Variants in SIGLEC1 observed in about 807,000 individuals in gnomAD.
SIGLEC1 encodes the protein sialoadhesin.
SIGLEC1 carries 132 observed loss-of-function variants against 148.0 expected under a neutral mutation model. The observed-to-expected ratio is 0.89, with a 90% confidence interval of 0.77 to 1.03. SIGLEC1 has a LOEUF of 1.03. Ranked by LOEUF, SIGLEC1 falls within the 50% of genes least tolerant of loss-of-function variation. SIGLEC1 has a pLI of 0.00. For missense variants in SIGLEC1, 2,253 were observed against 2,271.4 expected (o/e 0.99, Z 0.16); for synonymous variants, 945 against 969.0 (o/e 0.98, Z 0.46).
chr20:3,696,177 TATAA>T lies in SIGLEC1; in HGVS notation c.2683+405_2683+408del, dbSNP rs566315501. On this transcript the variant is annotated intron_variant, in intron 11 of 21. Transcript: ENST00000344754. The stretch of plus-strand genomic sequence containing the variant: ...ACACACACACACACACGTATGTGTA[TATAA>T]ATAAAGAATATGAATATATTATGCA... Among the ~76,000 whole-genome samples, 12 of 148,594 alleles carry T rather than the reference TATAA, an allele frequency of 8.1e-5. No homozygotes were observed. The East Asian group carries it at 1.8e-3, about 22-fold the overall frequency.
chr20:3,693,612 C>T lies in SIGLEC1; in HGVS notation c.3343G>A (p.Ala1115Thr). 6.2e-7 allele frequency: 1 copy of T among 1,612,714 alleles called. No individual in the cohort carries two copies. The highest frequency in any genetic ancestry group is 8.5e-7 in the Non-Finnish European group (1 of 1,179,648). The change falls in exon 14 of 22, where the codon GCC becomes ACC. Residue 1115 changes from alanine to threonine, a missense_variant. Physicochemically the swap from Ala to Thr is moderately conservative, Grantham distance 58. Coordinates refer to ENST00000344754, the MANE Select transcript of SIGLEC1 (RefSeq NM_023068.4). ...TGGTACCATGTGTAGGTGAGCTGGG[C>T]CGGGTGAGTGGTCCACACAAGGCAG... ...LTCLVWTTHP[A>T]QLTYTWYQDG...
At position 3,692,592 on chromosome 20, in the gene SIGLEC1, C is replaced by A. The variant is rs775090447; in HGVS notation, c.3959G>T (p.Gly1320Val). 1 of 1,612,278 alleles carries A rather than the reference C, an allele frequency of 6.2e-7. No individual in the cohort carries two copies. The highest frequency in any genetic ancestry group is 2.2e-5 in the East Asian group (1 of 44,878). Residue 1320 changes from glycine (G) to valine (V), a missense_variant, in exon 16 of 22, where the codon GGC becomes GTC. Transcript: ENST00000344754. ...ATCCTGGGCCTGGCAAGAGTAGGCG[C>A]CTGCATGAGCCCGCGTGGCCACCAG... is the stretch of plus-strand genomic sequence containing the variant. Reference protein sequence around the residue: ...SFLVATRAHAGAYSCQAQDAQ... With the variant: ...SFLVATRAHAVAYSCQAQDAQ...
At chr20:3,711,319 T>C (rs1328715388) in intron 1 of SIGLEC1, among the ~76,000 whole-genome samples, 1 of 152,238 alleles carries the variant, frequency 6.6e-6, no homozygotes, top group Non-Finnish European at 1.5e-5. Flanking sequence ...TGAGCTGGCC[T>C]GGTACACAGT....
At chr20:3,691,309 G>A (rs767456121) in intron 18 of SIGLEC1, 31 bp downstream of exon 18, 4 of 1,610,874 alleles carry the variant, frequency 2.5e-6, no homozygotes, top group Non-Finnish European at 3.4e-6. Context: ...GATGTGGGGA[G>A]ACTAAGGCGG....
rs746740761 is a variant in SIGLEC1 at position 3,690,135 on chromosome 20, G to A, written c.4721C>T (p.Ala1574Val). Reference protein sequence around the residue: ...LTLHLGSRLVASSQPQGAPAE... With the variant: ...LTLHLGSRLVVSSQPQGAPAE... ...AGGAGCACCCTGGGGCTGACTGGAG[G>A]CCACCAGTCGACTGCCAAGGTGGAG... The change falls in exon 19 of 22, where the codon GCC becomes GTC. Residue 1574 changes from alanine to valine, a missense_variant. Coordinates refer to ENST00000344754, the MANE Select transcript of SIGLEC1 (RefSeq NM_023068.4). The A allele has an allele frequency of 1.2e-6, 2 of 1,605,082 alleles. No homozygotes were observed. The highest frequency in any genetic ancestry group is 1.1e-5 in the South Asian group (1 of 89,490).
Position 3,692,998 on chromosome 20 carries a change from G to A in SIGLEC1, c.3642C>T (p.Ser1214=). The part of the protein sequence containing the change: ...ALSHAGRLLA[S]STAASVPNTL... ...TGTTGGGGACAGAGGCTGCTGTCGA[G>A]GAGGCCAAGAGGCGACCGGCGTGGC... Residue 1214 remains serine, a synonymous_variant, in exon 15 of 22, where the codon TCC becomes TCT. Transcript: ENST00000344754. 6.2e-7 allele frequency: 1 copy of A among 1,612,310 alleles called. No individual in the cohort carries two copies. The highest frequency in any genetic ancestry group is 1.3e-5 in the African/African-American group (1 of 75,066).
chr20:3,699,056 A>T (rs547658), intron 8 of SIGLEC1, 146 bp downstream of exon 8: 1 of 887,082 alleles, frequency 1.1e-6, no homozygotes, highest in Non-Finnish European at 1.7e-6. Context: ...TCAGCCCCAC[A>T]TGGAAAGACC....
At chr20:3,704,559 C>A (rs1006877373) in intron 4 of SIGLEC1, among the ~76,000 whole-genome samples, 4 of 152,248 alleles carry the variant, frequency 2.6e-5, no homozygotes, top group Non-Finnish European at 5.9e-5. Flanking sequence ...GCCAACAACA[C>A]AAAGAACTGC....
chr20:3,691,845 T>C, intron 17 of SIGLEC1, 58 bp downstream of exon 17: 1 of 1,519,088 alleles, frequency 6.6e-7, no homozygotes, highest in Non-Finnish European at 8.9e-7. Context: ...CCAGCCCCTC[T>C]CGTGGACTTG....
At position 3,699,338 on chromosome 20, in the gene SIGLEC1, G is replaced by A. The variant is rs761853412; in HGVS notation, c.1650C>T (p.Ala550=). Residue 550 remains alanine, a synonymous_variant, in exon 8 of 22, where the codon GCC becomes GCT. Transcript: ENST00000344754. ...TGCTGCCGGGACCCTCGTGAAGCAG[G>A]GCTCCATTCAGGTACCAGGAGAAGC... ...DARFSWYLNG[A]LLHEGPGSSL... The A allele has an allele frequency of 1.2e-6, 2 of 1,609,076 alleles. No individual in the cohort carries two copies. Among genetic ancestry groups the A allele is most frequent in the African/African-American group, 1.3e-5 (1 of 74,918 alleles).
intron 6 of SIGLEC1, 130 bp downstream of exon 6, chr20:3,703,067 A>G: frequency 9.4e-7 from 1 of 1,058,908 alleles, no homozygotes; most frequent in South Asian, 1.4e-5. Context: ...GAGCTGGGAC[A>G]TGAGCTCAAG....
At position 3,705,803 on chromosome 20, in the gene SIGLEC1, C is replaced by T. The variant is rs373787879; in HGVS notation, c.647G>A (p.Arg216His). The T allele has an allele frequency of 2.2e-5, 36 of 1,613,770 alleles. No homozygotes were observed. The highest frequency in any genetic ancestry group is 2.7e-5 in the African/African-American group (2 of 74,934). The change falls in exon 4 of 22, where the codon CGC (arginine) becomes CAC (histidine). Residue 216 changes from arginine (R) to histidine (H), a missense_variant. Arg to His is a conservative substitution (Grantham distance 29). Coordinates refer to ENST00000344754, the MANE Select transcript of SIGLEC1 (RefSeq NM_023068.4). Reference sequence around the variant, plus strand: ...GTGATTGGCCACGGAGAGCTGGCAGCGCAGGATCCGGCCGTGGTCCTGCCA... The same window carrying T: ...GTGATTGGCCACGGAGAGCTGGCAGTGCAGGATCCGGCCGTGGTCCTGCCA... ...MSWQDHGRIL[R>H]CQLSVANHRA...
rs770295751 is a variant in SIGLEC1, at chr20:3,704,054, C to T, written c.744G>A (p.Ser248=). The part of the protein sequence containing the change: ...PKGVKILLSP[S]GRNILPGELV... ...GCTCACCTGGAAGGATGTTCCTCCC[C>T]GAGGGGCTGAGGAGGATCTTCACAC... The change falls in exon 5 of 22, where the codon TCG becomes TCA. Residue 248 remains serine (S), a synonymous_variant. Coordinates refer to ENST00000344754, the MANE Select transcript of SIGLEC1 (RefSeq NM_023068.4). 13 of 1,613,416 alleles carry T rather than the reference C, an allele frequency of 8.1e-6. No homozygotes were observed. The highest frequency in any genetic ancestry group is 4.5e-5 in the East Asian group (2 of 44,872).
In SIGLEC1 at chr20:3,707,186, G is replaced by T; in HGVS notation, c.-58C>A. On this transcript the variant is annotated 5_prime_UTR_variant, in exon 2 of 22. Transcript: ENST00000344754. Reference sequence around the variant, plus strand: ...AGGGTGGTGCGCACTGCGCTGGCTGGGCTCACAGGGGCCTCCAGGGACACC... The same window carrying T: ...AGGGTGGTGCGCACTGCGCTGGCTGTGCTCACAGGGGCCTCCAGGGACACC... The T allele has an allele frequency of 6.6e-7, 1 of 1,513,766 alleles. No individual in the cohort carries two copies. Among genetic ancestry groups the T allele is most frequent in the Non-Finnish European group, 9.2e-7 (1 of 1,091,508 alleles). The allele number at this position is 1,513,766 out of a possible 1,614,324, so 93.8% of individuals were successfully genotyped here.
chr20:3,704,270 C>T (rs552340486), intron 4 of SIGLEC1, among the ~76,000 whole-genome samples, 179 bp from the exon 5 acceptor site: 159 of 152,316 alleles, frequency 1.0e-3, no homozygotes, highest in African/African-American at 3.7e-3. Context: ...CCTTTCCCGC[C>T]CCCTGCGCCT....
intron 7 of SIGLEC1, among the ~76,000 whole-genome samples, chr20:3,700,675 C>G (rs556365169): frequency 6.8e-6 from 1 of 146,708 alleles, no homozygotes; most frequent in African/African-American, 2.5e-5. Context: ...GTTGGAAGAC[C>G]GTACTTTTCT....
intron 1 of SIGLEC1, among the ~76,000 whole-genome samples, 195 bp downstream of exon 1, chr20:3,712,275 G>C (rs761382320): frequency 6.6e-6 from 1 of 152,138 alleles, no homozygotes; most frequent in South Asian, 2.1e-4. Context: ...GAAGGATTTG[G>C]GGGTGGTGGA....
At chr20:3,700,989 A>G (rs488023) in intron 7 of SIGLEC1, among the ~76,000 whole-genome samples, 110,224 of 151,984 alleles carry the variant, frequency 0.73, 40,339 homozygotes, top group East Asian at 0.86. Context: ...GTGAGCCACC[A>G]CGCCCAGCCA....
At chr20:3,698,781 G>A (rs1048532145) in intron 8 of SIGLEC1, among the ~76,000 whole-genome samples, 4 of 152,242 alleles carry the variant, frequency 2.6e-5, no homozygotes, top group Non-Finnish European at 5.9e-5. Flanking sequence ...GGTCTTACAC[G>A]GAGCCTCCCC....
Sources: allele counts gnomAD v4.1 joint callset (sites outside exome capture counted in the v4.1 genomes callset), GRCh38; gene constraint gnomAD v4.1.1; transcripts MANE v1.5; gene names NCBI Gene and HGNC (gene_info 2026-07-23, HGNC 2026-07-21).